Variants in MMP26 observed in about 807,000 individuals in gnomAD.
The protein encoded by MMP26 is matrix metallopeptidase 26.
A neutral mutation model predicts 31.0 loss-of-function variants in MMP26; 33 were observed. The ratio of observed to expected loss-of-function variants is 1.06; its 90% confidence interval spans 0.81 to 1.42. The LOEUF is 1.42. Among genes scored for constraint, MMP26 ranks in the 40% most tolerant of loss-of-function variants. The pLI is 0.00. For synonymous variants in MMP26, 122 were observed against 114.9 expected (o/e 1.06, Z -0.40); for missense variants, 347 against 316.1 (o/e 1.10, Z -0.74).
rs538755343 is a variant in MMP26 at position 4,963,954 on chromosome 11, G to A, written c.-144-24114G>A. Among the ~76,000 whole-genome samples, 3 of 151,984 alleles carry A rather than the reference G, an allele frequency of 2.0e-5. No individual in the cohort carries two copies. The East Asian group carries it at 5.8e-4, about 29-fold the overall frequency. ...TTCATGTCCTTTGACCACTTTTTAA[G>A]GGGGTTGATTTTTTTCTTGTAAATT... On this transcript the variant is annotated intron_variant, in intron 2 of 7. Coordinates refer to ENST00000380390, the MANE Select transcript of MMP26 (RefSeq NM_021801.5).
At chr11:4,867,381 G>C (rs138800393) in intron 2 of MMP26, among the ~76,000 whole-genome samples, 49 of 143,284 alleles carry the variant, frequency 3.4e-4, no homozygotes, top group African/African-American at 1.2e-3. Context: ...ACAATGAGAT[G>C]CTGTCCTTTT....
chr11:4,803,331 C>T (rs907390699), intron 2 of MMP26: 9 of 833,104 alleles, frequency 1.1e-5, no homozygotes, highest in East Asian at 2.5e-5. Flanking sequence ...CAGTTATTTA[C>T]AGAGCTGACT....
chr11:4,872,817 C>G, intron 2 of MMP26, among the ~76,000 whole-genome samples: 1 of 152,114 alleles, frequency 6.6e-6, no homozygotes, highest in Non-Finnish European at 1.5e-5. Flanking sequence ...AAGCTCCTGT[C>G]CTATTGCTGT....
At chr11:4,850,275 T>G (rs1303638423) in intron 2 of MMP26, among the ~76,000 whole-genome samples, 1 of 152,118 alleles carries the variant, frequency 6.6e-6, no homozygotes, top group Non-Finnish European at 1.5e-5. Context: ...ATTCAAATAA[T>G]CCAAAGCAGA....
chr11:4,975,011 T>G (rs573686735), intron 2 of MMP26, among the ~76,000 whole-genome samples: 60 of 152,066 alleles, frequency 3.9e-4, no homozygotes, highest in African/African-American at 1.4e-3. Context: ...ATGCTGGGCT[T>G]AATACCTAGG....
Position 4,915,200 on chromosome 11 carries a change from C to T in MMP26, c.-144-72868C>T, listed in dbSNP as rs760607247. ...TGGAAAAATGAGTGCTACACTACGA[C>T]CCAGAGAGACCAGGCCAATCCTGCC... On this transcript the variant is annotated intron_variant, in intron 2 of 7. Transcript: ENST00000380390. 5.0e-6 allele frequency: 8 copies of T among 1,613,828 alleles called. No homozygotes were observed. The Admixed American group carries it at 1.2e-4, about 24-fold the overall frequency.
At chr11:4,804,448 GTGT>G in intron 2 of MMP26, 2 of 1,228,304 alleles carry the variant, frequency 1.6e-6, no homozygotes, top group Non-Finnish European at 1.2e-6. Context: ...ATCAAAACAA[GTGT>G]TATTATTATA....
At chr11:4,848,598 G>A (rs755548661) in intron 2 of MMP26, 1 of 1,607,120 alleles carries the variant, frequency 6.2e-7, no homozygotes. Flanking sequence ...TAGGCTGTAG[G>A]CTGCACCCCA....
intron 2 of MMP26, among the ~76,000 whole-genome samples, chr11:4,866,090 T>C (rs554449442): frequency 1.3e-5 from 2 of 152,086 alleles, no homozygotes; most frequent in South Asian, 4.2e-4. Flanking sequence ...TCTGCCTCAA[T>C]ATTGGCATAC....
rs138548275 is a variant in MMP26, at chr11:4,984,273, C to A, written c.-144-3795C>A. On this transcript the variant is annotated intron_variant, in intron 2 of 7. Transcript: ENST00000380390. ...CTATACATAACTTTGAGCATTGTGA[C>A]CCCCCAAAATGACAATTAAATGACC... 9.5e-3 allele frequency among the ~76,000 whole-genome samples: 1,451 copies of A among 152,162 alleles called. 17 individuals are homozygous for A. The highest frequency in any genetic ancestry group is 0.011 in the Non-Finnish European group (760 of 67,980).
At chr11:4,735,031 C>G (rs77765035) in intron 1 of MMP26, among the ~76,000 whole-genome samples, 2 of 152,096 alleles carry the variant, frequency 1.3e-5, no homozygotes. Flanking sequence ...AATATGGAGC[C>G]GGGGTGAGAC....
At position 4,897,384 on chromosome 11, in the gene MMP26, C is replaced by T. The variant is rs377083584; in HGVS notation, c.-144-90684C>T. Among the ~76,000 whole-genome samples, 42 of 151,952 alleles carry T rather than the reference C, an allele frequency of 2.8e-4. No individual in the cohort carries two copies. In the East Asian group the frequency reaches 7.7e-3, roughly 28 times the overall value. ...CCATCTCCTGACCTCGTGATTTGCC[C>T]GCCTCAGTCTCCCAAAGTGTTGGGA... On this transcript the variant is annotated intron_variant, in intron 2 of 7. Coordinates refer to ENST00000380390, the MANE Select transcript of MMP26 (RefSeq NM_021801.5).
At position 4,946,159 on chromosome 11, in the gene MMP26, T is replaced by G. The variant is rs745478058; in HGVS notation, c.-144-41909T>G. ...CCAGGTTTTCTGTCACATATGACTG[T>G]TAAATCTTCCGTTGACACAATTTTG... On this transcript the variant is annotated intron_variant, in intron 2 of 7. Transcript: ENST00000380390. 4.3e-6 allele frequency: 7 copies of G among 1,613,334 alleles called. No individual in the cohort carries two copies. The Admixed American group carries it at 1.2e-4, about 27-fold the overall frequency.
chr11:4,821,245 A>C (rs1393287162), intron 2 of MMP26: 1 of 693,124 alleles, frequency 1.4e-6, no homozygotes, highest in African/African-American at 1.8e-5. Context: ...AAACACTGAC[A>C]GACTTGGAGA....
chr11:4,951,517 AT>A (rs1330029374), intron 2 of MMP26, among the ~76,000 whole-genome samples: 3 of 124,552 alleles, frequency 2.4e-5, no homozygotes, highest in African/African-American at 8.2e-5. Context: ...CACTGAAGTG[AT>A]TCTGCCATTA....
chr11:4,872,451 A>G (rs1850323300), intron 2 of MMP26, among the ~76,000 whole-genome samples: 1 of 152,076 alleles, frequency 6.6e-6, no homozygotes, highest in Non-Finnish European at 1.5e-5. Flanking sequence ...TGATTCTACC[A>G]AAAACTAGTC....
intron 2 of MMP26, among the ~76,000 whole-genome samples, chr11:4,849,520 A>AT (rs1323027204): frequency 6.6e-6 from 1 of 151,398 alleles, no homozygotes; most frequent in Non-Finnish European, 1.5e-5. Context: ...GTGTTATCCT[A>AT]TTTTTTCCCT....
intron 2 of MMP26, among the ~76,000 whole-genome samples, chr11:4,931,331 T>A (rs1475455502): frequency 6.6e-6 from 1 of 152,098 alleles, no homozygotes; most frequent in Non-Finnish European, 1.5e-5. Context: ...CTGCCTCATA[T>A]GCAGGTAGTG....
chr11:4,752,156 G>T (rs568754107), intron 1 of MMP26: 1 of 152,122 alleles, frequency 6.6e-6, no homozygotes, highest in Non-Finnish European at 1.5e-5. Context: ...TAGCAATGGG[G>T]GTGGGCACAT....
Sources: gnomAD v4.1 joint callset for allele counts (sites outside exome capture counted in the v4.1 genomes callset) on GRCh38, gnomAD v4.1.1 for gene constraint, MANE v1.5 for transcripts, NCBI Gene and HGNC (gene_info 2026-07-23, HGNC 2026-07-21) for gene names.